PDE4D: variants seen among roughly 807,000 people sequenced by gnomAD.
The protein encoded by PDE4D is 3',5'-cyclic-AMP phosphodiesterase 4D.
Under a neutral mutation model 87.4 loss-of-function variants are expected in PDE4D, and 24 were observed. That is an observed-to-expected ratio of 0.27 (90% CI 0.20 to 0.39). The LOEUF (loss-of-function observed/expected upper bound fraction) is 0.39, where lower values mean the gene tolerates loss of function less well. Among genes scored for constraint, PDE4D ranks in the 10% least tolerant of loss-of-function variants. The pLI is 1.00. For missense variants in PDE4D, 714 were observed against 1,041.0 expected (o/e 0.69, Z 4.32); for synonymous variants, 384 against 383.2 (o/e 1.00, Z -0.02).
intron 1 of PDE4D, among the ~76,000 whole-genome samples, chr5:59,633,886 C>A (rs1032626451): frequency 1.3e-5 from 2 of 152,046 alleles, no homozygotes; most frequent in Non-Finnish European, 2.9e-5. Flanking sequence ...TCATACATAA[C>A]AATATTAACC....
chr5:60,343,009 CA>C lies in PDE4D; in HGVS notation c.-90+144932del, dbSNP rs1583475153. On this transcript the variant is annotated intron_variant, in intron 1 of 16. Transcript: ENST00000502484. ...TTTAATGCCATGCTACAGAAAATAC[CA>C]AAAAAATTAAATATGTATTCTTTCA... Among the ~76,000 whole-genome samples the C allele has an allele frequency of 3.3e-5, 5 of 151,920 alleles. No individual in the cohort carries two copies. The South Asian group carries it at 8.3e-4, about 25-fold the overall frequency.
At chr5:59,843,211 T>G (rs1257320662) in intron 1 of PDE4D, among the ~76,000 whole-genome samples, 1 of 151,976 alleles carries the variant, frequency 6.6e-6, no homozygotes, top group Non-Finnish European at 1.5e-5. Flanking sequence ...CTATCAAAGG[T>G]CAAAATCTAA....
chr5:60,099,640 AAT>A (rs1028725534), intron 2 of PDE4D, among the ~76,000 whole-genome samples: 3 of 151,982 alleles, frequency 2.0e-5, no homozygotes, highest in Non-Finnish European at 4.4e-5. Context: ...AACTTATGAA[AAT>A]ATGTCCAGGT....
rs138078546 is a variant in PDE4D, at chr5:59,457,104, G to A, written c.456-241136C>T. ...CTCCAATTTTGAAAGTTCTACATTC[G>A]GTAAAATCCTATCAAACAGTATATT... On this transcript the variant is annotated intron_variant, in intron 1 of 14. Coordinates refer to ENST00000340635, the MANE Select transcript of PDE4D (RefSeq NM_001104631.2). Among the ~76,000 whole-genome samples the A allele has an allele frequency of 7.7e-3, 1,169 of 152,244 alleles. 13 individuals carry two copies. The highest frequency in any genetic ancestry group is 0.014 in the Middle Eastern group (4 of 294).
chr5:59,550,150 T>C (rs933761233), intron 1 of PDE4D, among the ~76,000 whole-genome samples: 1 of 152,090 alleles, frequency 6.6e-6, no homozygotes, highest in Non-Finnish European at 1.5e-5. Flanking sequence ...TCTCATTTTA[T>C]GTATTTTTTA....
chr5:60,186,083 C>G (rs1205798666), intron 1 of PDE4D, among the ~76,000 whole-genome samples: 1 of 152,162 alleles, frequency 6.6e-6, no homozygotes, highest in East Asian at 1.9e-4. Flanking sequence ...AGGTGATCCA[C>G]TGCTGGAGGA....
intron 1 of PDE4D, among the ~76,000 whole-genome samples, chr5:60,336,474 C>T (rs184660658): frequency 3.9e-5 from 6 of 152,322 alleles, no homozygotes; most frequent in African/African-American, 9.6e-5. Flanking sequence ...CCACATCCAC[C>T]TATTTCAGGG....
chr5:60,227,535 G>A (rs1745261389), intron 1 of PDE4D, among the ~76,000 whole-genome samples: 1 of 149,058 alleles, frequency 6.7e-6, no homozygotes, highest in Non-Finnish European at 1.5e-5. Context: ...GGGAGGGAAG[G>A]GAGGAGGAGA....
At chr5:59,481,560 A>G (rs1582806539) in intron 1 of PDE4D, among the ~76,000 whole-genome samples, 2 of 152,164 alleles carry the variant, frequency 1.3e-5, no homozygotes, top group East Asian at 3.9e-4. Context: ...TCCCTGCTCT[A>G]TGGGTGCATT....
At position 59,505,021 on chromosome 5, in the gene PDE4D, G is replaced by T. The variant is rs77162061; in HGVS notation, c.456-289053C>A. Among the ~76,000 whole-genome samples the T allele has an allele frequency of 2.7e-3, 402 of 151,562 alleles. 1 individual carries two copies. The highest frequency in any genetic ancestry group is 9.4e-3 in the African/African-American group (389 of 41,366). On this transcript the variant is annotated intron_variant, in intron 1 of 14. Coordinates refer to ENST00000340635, the MANE Select transcript of PDE4D (RefSeq NM_001104631.2). ...GGGCTGCTCATTAGTCTTAACATTT[G>T]AACCATATTTTGGGTGGAGGCTTAT... is the stretch of plus-strand genomic sequence containing the variant.
chr5:59,030,018 C>T (rs10069187), intron 6 of PDE4D, among the ~76,000 whole-genome samples: 15,944 of 151,970 alleles, frequency 0.1, 1,309 homozygotes, highest in East Asian at 0.47. Flanking sequence ...TCTCACACTC[C>T]ATATAAAAAT....
chr5:59,578,605 C>G (rs1823559194), intron 1 of PDE4D, among the ~76,000 whole-genome samples: 1 of 152,100 alleles, frequency 6.6e-6, no homozygotes, highest in Admixed American at 6.6e-5. Context: ...AATAACCTTT[C>G]CAATTCCCCC....
At chr5:59,723,157 T>C (rs973570058) in intron 1 of PDE4D, among the ~76,000 whole-genome samples, 1 of 152,034 alleles carries the variant, frequency 6.6e-6, no homozygotes, top group Admixed American at 6.6e-5. Context: ...GAAAAGAGAA[T>C]CTGCATATAC....
At chr5:59,564,979 G>A (rs1357038526) in intron 1 of PDE4D, among the ~76,000 whole-genome samples, 1 of 152,144 alleles carries the variant, frequency 6.6e-6, no homozygotes, top group Non-Finnish European at 1.5e-5. Context: ...ACACATTCTA[G>A]TCAGAAGGAA....
In PDE4D at chr5:59,277,784, T is replaced by G. The variant is rs531194132; in HGVS notation, c.456-61816A>C. 1.2e-4 allele frequency among the ~76,000 whole-genome samples: 18 copies of G among 152,330 alleles called. No individual in the cohort carries two copies. In the South Asian group the frequency reaches 3.1e-3, roughly 26 times the overall value. On this transcript the variant is annotated intron_variant, in intron 1 of 14. Transcript: ENST00000340635. ...TTTAGCCTGATGCTACTCCCTTCTC[T>G]GTCACACACACACAAGTTTAGTGCA... is the stretch of plus-strand genomic sequence containing the variant.
chr5:59,000,060 T>A (rs906189027), intron 6 of PDE4D: 4 of 262,610 alleles, frequency 1.5e-5, no homozygotes, highest in African/African-American at 2.3e-5. Context: ...TTGGGATTGG[T>A]TGGCAAGGGC....
At chr5:60,212,627 G>A (rs1326222100) in intron 1 of PDE4D, among the ~76,000 whole-genome samples, 1 of 152,198 alleles carries the variant, frequency 6.6e-6, no homozygotes, top group South Asian at 2.1e-4. Context: ...ACAGAGGGCA[G>A]ACAAGCAAAG....
intron 3 of PDE4D, among the ~76,000 whole-genome samples, chr5:59,187,720 G>C (rs1323604999): frequency 6.6e-6 from 1 of 152,114 alleles, no homozygotes; most frequent in Non-Finnish European, 1.5e-5. Flanking sequence ...TAATCTTGTA[G>C]AGAAATTATT....
At chr5:59,426,998 TACACACACACACACACACACACAC>T (rs3061709) in intron 1 of PDE4D, among the ~76,000 whole-genome samples, 143 of 125,210 alleles carry the variant, frequency 1.1e-3, no homozygotes, top group African/African-American at 3.6e-3. Context: ...CTTGAAGCTA[TACACACACACACACACACACACAC>T]ACACACACAC....
Sources: gnomAD v4.1 joint callset for allele counts (sites outside exome capture counted in the v4.1 genomes callset) on GRCh38, gnomAD v4.1.1 for gene constraint, MANE v1.5 for transcripts, NCBI Gene and HGNC (gene_info 2026-07-23, HGNC 2026-07-21) for gene names.